TTLL5: variants seen among roughly 807,000 people sequenced by gnomAD.
The protein encoded by TTLL5 is tubulin polyglutamylase TTLL5.
In TTLL5, 132 loss-of-function variants were observed where a neutral mutation model predicts 168.4. The observed-to-expected ratio is 0.78, with a 90% CI of 0.68 to 0.91. TTLL5 has a LOEUF of 0.91. Among genes scored for constraint, TTLL5 ranks in the 40% least tolerant of loss-of-function variants. TTLL5 has a pLI of 0.00. For synonymous variants in TTLL5, 546 were observed against 558.6 expected (o/e 0.98, Z 0.32); for missense variants, 1,545 against 1,581.5 (o/e 0.98, Z 0.39).
chr14:75,663,497 A>G (rs183980560), intron 2 of TTLL5, among the ~76,000 whole-genome samples: 3 of 152,350 alleles, frequency 2.0e-5, no homozygotes, highest in African/African-American at 7.2e-5. Context: ...AAATGCAAGT[A>G]GTAGCTCTTG....
chr14:75,938,072 G>C (rs879891842), intron 31 of TTLL5, among the ~76,000 whole-genome samples: 4 of 152,140 alleles, frequency 2.6e-5, no homozygotes, highest in Non-Finnish European at 5.9e-5. Context: ...CATCCTAATG[G>C]GTGTGATGTG....
intron 7 of TTLL5, among the ~76,000 whole-genome samples, chr14:75,705,483 G>A (rs1344102989): frequency 6.6e-6 from 1 of 152,162 alleles, no homozygotes; most frequent in Non-Finnish European, 1.5e-5. Context: ...GCCTAAAAGC[G>A]AAGCCTGTGA....
chr14:75,866,768 A>T (rs2030550622), intron 29 of TTLL5, among the ~76,000 whole-genome samples: 1 of 152,186 alleles, frequency 6.6e-6, no homozygotes, highest in South Asian at 2.1e-4. Context: ...ATGAGCTTTG[A>T]TCTTCATCTC....
chr14:75,720,632 C>A lies in TTLL5; in HGVS notation c.971C>A (p.Thr324Asn). ...CATGTAGAAGACCTGATCATTAAGACTATAATCTCTGCTGAACTAGCTATT... is the reference window on the plus strand; with the variant it reads ...CATGTAGAAGACCTGATCATTAAGAATATAATCTCTGCTGAACTAGCTATT... ...MAHVEDLIIK[T>N]IISAELAIAT... is the part of the protein sequence containing the mutation. Residue 324 changes from threonine (T) to asparagine (N), a missense_variant, in exon 12 of 32, where the codon ACT (threonine) becomes AAT (asparagine). By Grantham distance (65) the Thr-to-Asn change is moderately conservative. Transcript: ENST00000298832. 6.2e-7 allele frequency: 1 copy of A among 1,613,670 alleles called. No individual in the cohort carries two copies. The highest frequency in any genetic ancestry group is 8.5e-7 in the Non-Finnish European group (1 of 1,179,666).
chr14:75,826,021 A>C (rs566958374), intron 28 of TTLL5, among the ~76,000 whole-genome samples: 3 of 151,752 alleles, frequency 2.0e-5, no homozygotes, highest in South Asian at 4.2e-4. Context: ...GCTTCTGCCT[A>C]ATAAAGGAAC....
At chr14:75,686,089 A>G (rs1435704924) in intron 5 of TTLL5, among the ~76,000 whole-genome samples, 2 of 152,236 alleles carry the variant, frequency 1.3e-5, no homozygotes. Flanking sequence ...TTGCCAAAGC[A>G]GTTTCTGAAC....
chr14:75,872,523 A>C (rs555114325), intron 29 of TTLL5, among the ~76,000 whole-genome samples: 1 of 152,282 alleles, frequency 6.6e-6, no homozygotes. Flanking sequence ...TTTCTTCTGT[A>C]AATGGTGATG....
chr14:75,856,849 A>G (rs933368331), intron 28 of TTLL5, among the ~76,000 whole-genome samples: 10 of 150,216 alleles, frequency 6.7e-5, no homozygotes, highest in African/African-American at 1.7e-4. Context: ...CTGGTCTCAA[A>G]CTCCTAACTT....
chr14:75,695,800 G>GCCCTC (rs572809024), intron 6 of TTLL5, among the ~76,000 whole-genome samples: 2 of 90,222 alleles, frequency 2.2e-5, no homozygotes, highest in South Asian at 3.6e-4. Flanking sequence ...TCCCTTCCCT[G>GCCCTC]CCCTCCCCTC....
chr14:75,954,465 A>C lies in TTLL5; in HGVS notation c.*19A>C. On this transcript the variant is annotated 3_prime_UTR_variant, in exon 32 of 32. Transcript: ENST00000298832. Reference sequence around the variant, plus strand: ...AATATGAACCACAAACACACAGAGAAACAACCTGTTCACCACTCCTGGGTG... The same window carrying C: ...AATATGAACCACAAACACACAGAGACACAACCTGTTCACCACTCCTGGGTG... 3.1e-6 allele frequency: 5 copies of C among 1,613,732 alleles called. No individual in the cohort carries two copies. The highest frequency in any genetic ancestry group is 4.2e-6 in the Non-Finnish European group (5 of 1,179,726).
Position 75,686,667 on chromosome 14 carries a change from A to G in TTLL5, c.371+3011A>G, listed in dbSNP as rs28376544. Among the ~76,000 whole-genome samples the G allele has an allele frequency of 9.0e-3, 1,371 of 152,332 alleles. 23 individuals carry two copies. Among genetic ancestry groups the G allele is most frequent in the African/African-American group, 0.032 (1,318 of 41,568 alleles). On this transcript the variant is annotated intron_variant, in intron 5 of 31. Coordinates refer to ENST00000298832, the MANE Select transcript of TTLL5 (RefSeq NM_015072.5). Reference sequence around the variant, plus strand: ...ATCTCAGAAATTCTGATGTTTTAGTAGCTAATCTTTCTCAATTTACATTCT... The same window carrying G: ...ATCTCAGAAATTCTGATGTTTTAGTGGCTAATCTTTCTCAATTTACATTCT...
At chr14:75,896,093 A>G (rs924523039) in intron 30 of TTLL5, among the ~76,000 whole-genome samples, 12 of 152,174 alleles carry the variant, frequency 7.9e-5, no homozygotes, top group Admixed American at 5.2e-4. Flanking sequence ...ACTTCACTAA[A>G]TGTTTCATGA....
intron 15 of TTLL5, among the ~76,000 whole-genome samples, chr14:75,736,682 G>A (rs1469979114): frequency 6.6e-6 from 1 of 152,264 alleles, no homozygotes; most frequent in South Asian, 2.1e-4. Flanking sequence ...ACAATACTTT[G>A]CAGGCCAAGC....
intron 15 of TTLL5, among the ~76,000 whole-genome samples, chr14:75,742,147 T>C (rs983416269): frequency 6.6e-6 from 1 of 152,206 alleles, no homozygotes; most frequent in Non-Finnish European, 1.5e-5. Context: ...ACCTTTGATA[T>C]AGCTTTTAGT....
chr14:75,783,651 G>A (rs1892188610), intron 26 of TTLL5, 121 bp downstream of exon 26: 5 of 1,349,820 alleles, frequency 3.7e-6, no homozygotes, highest in Non-Finnish European at 5.0e-6. Flanking sequence ...GACACACACT[G>A]CATTGTTCTG....
intron 13 of TTLL5, 78 bp downstream of exon 13, chr14:75,732,497 T>C: frequency 1.6e-6 from 2 of 1,259,912 alleles, no homozygotes; most frequent in Non-Finnish European, 2.3e-6. Context: ...TGATCATTTC[T>C]CTTGGCACTA....
intron 31 of TTLL5, among the ~76,000 whole-genome samples, chr14:75,926,118 T>C (rs1317395082): frequency 3.5e-5 from 5 of 144,268 alleles, no homozygotes; most frequent in African/African-American, 1.4e-4. Flanking sequence ...GAGGGAGAAC[T>C]TGTCTATGTA....
intron 19 of TTLL5, 112 bp downstream of exon 19, chr14:75,764,884 C>T: frequency 8.2e-7 from 1 of 1,217,302 alleles, no homozygotes; most frequent in Non-Finnish European, 1.1e-6. Flanking sequence ...TCACATACAC[C>T]TTTTTTATAT....
chr14:75,662,567 G>T (rs1290707050), intron 1 of TTLL5, among the ~76,000 whole-genome samples: 1 of 147,882 alleles, frequency 6.8e-6, no homozygotes, highest in African/African-American at 2.5e-5. Flanking sequence ...TCGAACTCCC[G>T]ACCTCAGGTG....
Sources: gnomAD v4.1 joint callset for allele counts (sites outside exome capture counted in the v4.1 genomes callset) on GRCh38, gnomAD v4.1.1 for gene constraint, MANE v1.5 for transcripts, NCBI Gene and HGNC (gene_info 2026-07-23, HGNC 2026-07-21) for gene names.